KCNN2: variants seen among roughly 807,000 people sequenced by gnomAD.
KCNN2 encodes small conductance calcium-activated potassium channel protein 2.
In KCNN2, 24 loss-of-function variants were observed where a neutral mutation model predicts 55.5. The observed-to-expected ratio is 0.43, with a 90% CI of 0.31 to 0.61. KCNN2 has a LOEUF of 0.61. Ranked by LOEUF, KCNN2 falls within the 20% of genes least tolerant of loss-of-function variation. The pLI, the probability that KCNN2 is intolerant of heterozygous loss-of-function variation, is 0.08. For missense variants in KCNN2, 754 were observed against 853.6 expected, an observed-to-expected ratio of 0.88 and a Z score of 1.45; for synonymous variants, 431 against 336.1, an observed-to-expected ratio of 1.28 and a Z score of -3.09.
intron 3 of KCNN2, among the ~76,000 whole-genome samples, chr5:114,433,106 C>T (rs1759860645): frequency 1.3e-5 from 2 of 152,222 alleles, no homozygotes; most frequent in African/African-American, 2.4e-5. Context: ...CACCTGCAGC[C>T]CCTGTGCAGG....
intron 2 of KCNN2, among the ~76,000 whole-genome samples, chr5:114,252,425 G>A (rs76603661): frequency 0.029 from 4,464 of 152,086 alleles, 222 homozygotes; most frequent in African/African-American, 0.1. Context: ...CTGGGAGAGG[G>A]AATACCTACC....
chr5:114,476,574 A>G (rs1761977228), intron 5 of KCNN2, among the ~76,000 whole-genome samples: 2 of 151,820 alleles, frequency 1.3e-5, no homozygotes, highest in Admixed American at 1.3e-4. Context: ...ATGCACCACC[A>G]TGCCCAGCTA....
At chr5:114,298,057 G>A (rs914751346) in intron 2 of KCNN2, among the ~76,000 whole-genome samples, 5 of 152,186 alleles carry the variant, frequency 3.3e-5, no homozygotes, top group Non-Finnish European at 7.3e-5. Flanking sequence ...AGGAGTTAGT[G>A]TATGTCAATT....
intron 1 of KCNN2, among the ~76,000 whole-genome samples, chr5:114,216,121 C>T (rs1345195358): frequency 6.6e-6 from 1 of 152,132 alleles, no homozygotes; most frequent in African/African-American, 2.4e-5. Context: ...TAATAACTCA[C>T]TTTTCTTAAT....
intron 2 of KCNN2, among the ~76,000 whole-genome samples, chr5:114,252,452 G>C (rs2150000538): frequency 6.6e-6 from 1 of 152,206 alleles, no homozygotes; most frequent in Middle Eastern, 3.4e-3. Flanking sequence ...CAGAAACCAG[G>C]ATGCATAGTT....
At chr5:114,430,353 A>G (rs1389729420) in intron 3 of KCNN2, among the ~76,000 whole-genome samples, 5 of 152,060 alleles carry the variant, frequency 3.3e-5, no homozygotes, top group East Asian at 1.9e-4. Context: ...ATGTACAACT[A>G]TTATTCATTT....
chr5:114,084,964 C>G (rs1245190091), intron 1 of KCNN2, among the ~76,000 whole-genome samples: 1 of 151,764 alleles, frequency 6.6e-6, no homozygotes, highest in Non-Finnish European at 1.5e-5. Context: ...TCAATTGACT[C>G]TACTTGTGTG....
At chr5:114,245,108 C>G (rs1426099402) in intron 2 of KCNN2, among the ~76,000 whole-genome samples, 1 of 152,116 alleles carries the variant, frequency 6.6e-6, no homozygotes, top group African/African-American at 2.4e-5. Flanking sequence ...AAAGCAGGTA[C>G]TGGTAAAATA....
chr5:114,401,812 T>G (rs1415724163), intron 2 of KCNN2, among the ~76,000 whole-genome samples: 2 of 152,240 alleles, frequency 1.3e-5, no homozygotes, highest in Admixed American at 1.3e-4. Context: ...TAGGGAGATG[T>G]AAGTAGAATA....
At chr5:114,303,826 T>C (rs1418126779) in intron 2 of KCNN2, among the ~76,000 whole-genome samples, 1 of 152,146 alleles carries the variant, frequency 6.6e-6, no homozygotes, top group Non-Finnish European at 1.5e-5. Flanking sequence ...AAAGCATAAC[T>C]ACTGAGGAAG....
chr5:114,340,104 C>G (rs80070477), intron 2 of KCNN2, among the ~76,000 whole-genome samples: 5,449 of 152,100 alleles, frequency 0.036, 141 homozygotes, highest in South Asian at 0.062. Flanking sequence ...CAATGAAAGA[C>G]TGTTTAAAAA....
At chr5:114,420,889 C>T (rs867471517) in intron 3 of KCNN2, among the ~76,000 whole-genome samples, 1 of 152,134 alleles carries the variant, frequency 6.6e-6, no homozygotes, top group African/African-American at 2.4e-5. Flanking sequence ...GGCCAAAGGA[C>T]TATCATTTTA....
At chr5:114,361,699 G>C (rs1264734692), upstream of KCNN2, among the ~76,000 whole-genome samples, 1 of 152,186 alleles carries the variant, frequency 6.6e-6, no homozygotes, top group Non-Finnish European at 1.5e-5. Context: ...GGTGATCCGG[G>C]CAGCGCGTCC....
At chr5:114,404,349 G>A in intron 2 of KCNN2, 89 bp from the exon 3 acceptor site, 1 of 1,036,454 alleles carries the variant, frequency 9.6e-7, no homozygotes, top group Non-Finnish European at 1.4e-6. Context: ...ATTGCTAAAA[G>A]TCATCTGTTG....
At chr5:114,118,004 A>G (rs187067676) in intron 1 of KCNN2, among the ~76,000 whole-genome samples, 55 of 152,264 alleles carry the variant, frequency 3.6e-4, no homozygotes, top group African/African-American at 1.3e-3. Flanking sequence ...CATCAAACAG[A>G]TATAGCTACA....
At chr5:114,305,953 T>C (rs1301818487) in intron 2 of KCNN2, among the ~76,000 whole-genome samples, 1 of 152,212 alleles carries the variant, frequency 6.6e-6, no homozygotes, top group African/African-American at 2.4e-5. Flanking sequence ...GCATATTTTT[T>C]ATTAGGGTAA....
intron 1 of KCNN2, among the ~76,000 whole-genome samples, chr5:114,200,700 G>A (rs1561520175): frequency 6.6e-6 from 1 of 151,754 alleles, no homozygotes; most frequent in Non-Finnish European, 1.5e-5. Flanking sequence ...TCCTGAGGAT[G>A]TATATATCTG....
chr5:114,440,746 A>G (rs1461829393), intron 3 of KCNN2, among the ~76,000 whole-genome samples: 1 of 152,156 alleles, frequency 6.6e-6, no homozygotes, highest in Non-Finnish European at 1.5e-5. Context: ...AGTTATAAGT[A>G]TAACCTGTAA....
chr5:114,078,911 T>C (rs1385849820), intron 1 of KCNN2, among the ~76,000 whole-genome samples: 1 of 152,170 alleles, frequency 6.6e-6, no homozygotes, highest in African/African-American at 2.4e-5. Flanking sequence ...TTTACAACAA[T>C]TATTAGCAAG....
Sources: allele counts gnomAD v4.1 joint callset (sites outside exome capture counted in the v4.1 genomes callset), GRCh38; gene constraint gnomAD v4.1.1; transcripts MANE v1.5; gene names NCBI Gene and HGNC (gene_info 2026-07-23, HGNC 2026-07-21).